HS6ST3: variants seen among roughly 807,000 people sequenced by gnomAD.
HS6ST3 encodes the protein heparan-sulfate 6-O-sulfotransferase 3.
In HS6ST3, 12 loss-of-function variants were observed where a neutral mutation model predicts 36.7. That is an observed-to-expected ratio of 0.33 (90% confidence interval 0.21 to 0.53). The LOEUF (loss-of-function observed/expected upper bound fraction) is 0.53, where lower values mean the gene tolerates loss of function less well. Ranked by LOEUF, HS6ST3 falls within the 20% of genes least tolerant of loss-of-function variation. The pLI is 0.95. For synonymous variants in HS6ST3, 240 were observed against 257.5 expected, an observed-to-expected ratio of 0.93 and a Z score of 0.65; for missense variants, 584 against 640.9, an observed-to-expected ratio of 0.91 and a Z score of 0.96.
intron 1 of HS6ST3, among the ~76,000 whole-genome samples, chr13:96,771,653 C>A (rs918461394): frequency 1.3e-5 from 2 of 152,216 alleles, no homozygotes; most frequent in East Asian, 1.9e-4. Context: ...AGGTGCCAAG[C>A]CTTCCAAGAT....
intron 1 of HS6ST3, among the ~76,000 whole-genome samples, chr13:96,399,766 T>C (rs913123893): frequency 1.9e-4 from 29 of 152,222 alleles, no homozygotes; most frequent in African/African-American, 7.0e-4. Flanking sequence ...TTTCAACAGA[T>C]GAGTTCTGAC....
intron 1 of HS6ST3, among the ~76,000 whole-genome samples, chr13:96,793,826 A>G (rs780050863): frequency 7.2e-5 from 11 of 152,030 alleles, no homozygotes; most frequent in Non-Finnish European, 1.3e-4. Flanking sequence ...AAAAATGTAT[A>G]CAATCAATTC....
intron 1 of HS6ST3, among the ~76,000 whole-genome samples, chr13:96,340,320 G>A (rs2055123772): frequency 6.6e-6 from 1 of 152,180 alleles, no homozygotes; most frequent in African/African-American, 2.4e-5. Context: ...TTGATTCAGA[G>A]CAGTGAGTTT....
At chr13:96,131,517 CATT>C in intron 1 of HS6ST3, among the ~76,000 whole-genome samples, 1 of 152,058 alleles carries the variant, frequency 6.6e-6, no homozygotes, top group African/African-American at 2.4e-5. Flanking sequence ...ATCTAATTAA[CATT>C]ATGTATTACC....
At chr13:96,606,617 G>C (rs1050459339) in intron 1 of HS6ST3, among the ~76,000 whole-genome samples, 6 of 138,242 alleles carry the variant, frequency 4.3e-5, no homozygotes, top group Admixed American at 2.9e-4. Flanking sequence ...GAGGGAGGGA[G>C]GGAGGGAGGG....
chr13:96,200,760 G>A (rs1428098578), intron 1 of HS6ST3, among the ~76,000 whole-genome samples: 2 of 152,116 alleles, frequency 1.3e-5, no homozygotes, highest in Non-Finnish European at 2.9e-5. Flanking sequence ...TGAGTGGATG[G>A]CTACAGAATA....
At chr13:96,317,378 A>AATTT (rs1566322220) in intron 1 of HS6ST3, among the ~76,000 whole-genome samples, 1 of 101,326 alleles carries the variant, frequency 9.9e-6, no homozygotes, top group Non-Finnish European at 2.1e-5. Flanking sequence ...AAAATTATAT[A>AATTT]TATATATATA....
intron 1 of HS6ST3, among the ~76,000 whole-genome samples, chr13:96,223,121 T>C (rs1197907124): frequency 6.6e-6 from 1 of 152,232 alleles, no homozygotes; most frequent in African/African-American, 2.4e-5. Context: ...GAATACTTGG[T>C]TTCATGAGAG....
intron 1 of HS6ST3, 72 bp downstream of exon 1, chr13:96,091,641 C>T (rs1414035700): frequency 5.5e-6 from 8 of 1,460,818 alleles, no homozygotes; most frequent in East Asian, 2.5e-5. Context: ...TGACCCAGAG[C>T]GACCCCGCGC....
At chr13:96,614,297 CAA>C (rs67979751) in intron 1 of HS6ST3, among the ~76,000 whole-genome samples, 704 of 43,960 alleles carry the variant, frequency 0.016, 12 homozygotes, top group Middle Eastern at 0.052. Flanking sequence ...GGATCCATCT[CAA>C]AAAAAAAAAA....
At chr13:96,125,433 G>A (rs1462855763) in intron 1 of HS6ST3, among the ~76,000 whole-genome samples, 1 of 152,004 alleles carries the variant, frequency 6.6e-6, no homozygotes, top group Non-Finnish European at 1.5e-5. Context: ...TTAACTTTAG[G>A]TGCATTAAGC....
At chr13:96,608,953 T>TTTTA (rs1167719221) in intron 1 of HS6ST3, among the ~76,000 whole-genome samples, 4 of 151,846 alleles carry the variant, frequency 2.6e-5, no homozygotes, top group South Asian at 2.1e-4. Flanking sequence ...GATAGATATC[T>TTTTA]TTTATTTATT....
At chr13:96,660,967 T>A (rs1054925420) in intron 1 of HS6ST3, among the ~76,000 whole-genome samples, 2 of 152,148 alleles carry the variant, frequency 1.3e-5, no homozygotes, top group Admixed American at 1.3e-4. Flanking sequence ...CCAGCCTTCA[T>A]CTTTCTTTTG....
intron 1 of HS6ST3, among the ~76,000 whole-genome samples, chr13:96,426,283 A>G (rs1042453842): frequency 2.6e-5 from 4 of 152,096 alleles, no homozygotes; most frequent in Admixed American, 2.6e-4. Context: ...TGTTTTTTGA[A>G]TCCAGCTCGT....
rs1027197028 is a variant in HS6ST3, at chr13:96,091,689, G to A, written c.707+120G>A. The A allele has an allele frequency of 2.9e-6, 4 of 1,358,572 alleles. No homozygotes were observed. The South Asian group carries it at 4.5e-5, about 15-fold the overall frequency. 84.2% of individuals were successfully genotyped at this position (1,358,572 alleles called of 1,614,324 possible). On this transcript the variant is annotated intron_variant, in intron 1 of 1. Transcript: ENST00000376705. ...CCGATGGTTTCCTGGCGTCTTCAGC[G>A]GTTGGCGCCGTGGCTTTGGGGAGGG...
At chr13:96,436,720 G>A (rs952984965) in intron 1 of HS6ST3, among the ~76,000 whole-genome samples, 4 of 152,180 alleles carry the variant, frequency 2.6e-5, no homozygotes, top group Admixed American at 2.6e-4. Context: ...GCAAGAAGGT[G>A]GCTGTCTGCA....
chr13:96,464,399 G>A (rs898567867), intron 1 of HS6ST3, among the ~76,000 whole-genome samples: 7 of 152,014 alleles, frequency 4.6e-5, no homozygotes, highest in African/African-American at 1.7e-4. Flanking sequence ...AACAATCATT[G>A]TCTCAGTCAC....
chr13:96,631,432 G>T (rs2056531772), intron 1 of HS6ST3, among the ~76,000 whole-genome samples: 1 of 152,188 alleles, frequency 6.6e-6, no homozygotes, highest in African/African-American at 2.4e-5. Flanking sequence ...GTTCTCAAAA[G>T]ATTGTTAACA....
chr13:96,140,772 G>A (rs1594691729), intron 1 of HS6ST3, among the ~76,000 whole-genome samples: 1 of 152,140 alleles, frequency 6.6e-6, no homozygotes, highest in African/African-American at 2.4e-5. Context: ...TTTATGTGGT[G>A]CAGGATTACT....
Sources: allele counts gnomAD v4.1 joint callset (sites outside exome capture counted in the v4.1 genomes callset), GRCh38; gene constraint gnomAD v4.1.1; transcripts MANE v1.5; gene names NCBI Gene and HGNC (gene_info 2026-07-23, HGNC 2026-07-21).